The following TEAD1 variants were observed in gnomAD, a reference collection of about 807,000 sequenced individuals.
TEAD1 encodes transcriptional enhancer factor TEF-1.
TEAD1 carries 9 observed loss-of-function variants against 54.9 expected under a neutral mutation model. That is an observed-to-expected ratio of 0.16 (90% confidence interval 0.10 to 0.29). The LOEUF is 0.29. Ranked by LOEUF, TEAD1 falls within the 10% of genes least tolerant of loss-of-function variation. The pLI, the probability that TEAD1 is intolerant of heterozygous loss-of-function variation, is 1.00. For synonymous variants in TEAD1, 200 were observed against 187.8 expected, an observed-to-expected ratio of 1.07 and a Z score of -0.53; for missense variants, 387 against 535.9, an observed-to-expected ratio of 0.72 and a Z score of 2.74.
intron 2 of TEAD1, among the ~76,000 whole-genome samples, chr11:12,752,943 G>A (rs1426559519): frequency 6.6e-6 from 1 of 151,472 alleles, no homozygotes. Flanking sequence ...GGGCTCAGGT[G>A]ATCCTCCTAC....
intron 3 of TEAD1, among the ~76,000 whole-genome samples, chr11:12,832,301 C>G (rs558527559): frequency 3.3e-5 from 5 of 152,274 alleles, no homozygotes; most frequent in African/African-American, 1.2e-4. Flanking sequence ...GACGGTTGTT[C>G]AGTTAATCCA....
At chr11:12,678,370 G>T (rs569878272) in intron 2 of TEAD1, among the ~76,000 whole-genome samples, 204 of 152,272 alleles carry the variant, frequency 1.3e-3, no homozygotes, top group Non-Finnish European at 2.4e-3. Flanking sequence ...GCTGCTGCTG[G>T]GCTGCTTGGG....
chr11:12,753,468 G>A (rs1427006970), intron 2 of TEAD1, among the ~76,000 whole-genome samples: 1 of 152,288 alleles, frequency 6.6e-6, no homozygotes, highest in East Asian at 1.9e-4. Flanking sequence ...CTAGTGGCTG[G>A]ATAGAGGTAT....
intron 2 of TEAD1, among the ~76,000 whole-genome samples, chr11:12,681,249 T>A (rs561399384): frequency 2.0e-5 from 3 of 152,260 alleles, no homozygotes; most frequent in Non-Finnish European, 4.4e-5. Context: ...AGAAATTCTC[T>A]TAATTCAAAG....
chr11:12,916,070 G>T (rs906964024), intron 10 of TEAD1, among the ~76,000 whole-genome samples: 2 of 152,016 alleles, frequency 1.3e-5, no homozygotes, highest in Non-Finnish European at 2.9e-5. Flanking sequence ...CTTCTGCTTC[G>T]ACTTTTTGTT....
At position 12,710,021 on chromosome 11, in the gene TEAD1, TAAA is replaced by T. The variant is rs10716753; in HGVS notation, c.-55+34471_-55+34473del. ...AAATAATGAAGTCTTACCAAATTGT[TAAA>T]AAAAAAAAAATGGAATTGTAGGCCA... On this transcript the variant is annotated intron_variant, in intron 2 of 12. Coordinates refer to ENST00000527636, the MANE Select transcript of TEAD1 (RefSeq NM_021961.6). Among the ~76,000 whole-genome samples the T allele has an allele frequency of 2.6e-3, 393 of 149,260 alleles. 1 individual carries two copies. Among genetic ancestry groups the T allele is most frequent in the African/African-American group, 9.4e-3 (383 of 40,958 alleles).
chr11:12,722,898 G>T (rs2133868169), intron 2 of TEAD1, among the ~76,000 whole-genome samples: 1 of 151,902 alleles, frequency 6.6e-6, no homozygotes, highest in Non-Finnish European at 1.5e-5. Flanking sequence ...TCTTCAAGAT[G>T]ATTTTTAATG....
intron 5 of TEAD1, among the ~76,000 whole-genome samples, chr11:12,877,257 G>A (rs76841780): frequency 1.3e-5 from 2 of 152,144 alleles, no homozygotes; most frequent in Non-Finnish European, 2.9e-5. Context: ...GGCCACGGGA[G>A]GTGTCATTAC....
At chr11:12,746,120 G>A (rs1944741541) in intron 2 of TEAD1, among the ~76,000 whole-genome samples, 1 of 152,220 alleles carries the variant, frequency 6.6e-6, no homozygotes, top group South Asian at 2.1e-4. Context: ...AGTGATTGAA[G>A]TTAACTTTAT....
At chr11:12,866,981 C>T (rs1185252514) in intron 5 of TEAD1, among the ~76,000 whole-genome samples, 1 of 152,116 alleles carries the variant, frequency 6.6e-6, no homozygotes, top group Non-Finnish European at 1.5e-5. Context: ...GGAGAGTATA[C>T]TGTTAAGTTT....
intron 2 of TEAD1, among the ~76,000 whole-genome samples, chr11:12,735,110 A>G (rs1433135870): frequency 1.3e-5 from 2 of 152,202 alleles, no homozygotes; most frequent in Admixed American, 6.5e-5. Context: ...GGCCGTCCAG[A>G]AAAGCATTAG....
intron 5 of TEAD1, among the ~76,000 whole-genome samples, chr11:12,874,874 G>A (rs1947824258): frequency 6.6e-6 from 1 of 152,086 alleles, no homozygotes; most frequent in Admixed American, 6.5e-5. Flanking sequence ...CAAAACATTT[G>A]GCTTTTTATG....
At chr11:12,761,993 A>G (rs953010170) in intron 2 of TEAD1, among the ~76,000 whole-genome samples, 1 of 152,286 alleles carries the variant, frequency 6.6e-6, no homozygotes, top group African/African-American at 2.4e-5. Context: ...GCTTACAGTT[A>G]TATGAGAACA....
intron 9 of TEAD1, among the ~76,000 whole-genome samples, chr11:12,884,161 G>T (rs1057035438): frequency 6.6e-6 from 1 of 151,602 alleles, no homozygotes; most frequent in African/African-American, 2.4e-5. Context: ...TCGTCCCATT[G>T]TTTCTCAGCC....
intron 3 of TEAD1, among the ~76,000 whole-genome samples, chr11:12,767,844 T>A (rs960307501): frequency 1.3e-5 from 2 of 152,206 alleles, no homozygotes; most frequent in African/African-American, 4.8e-5. Context: ...TCTGTGCTTG[T>A]CTTTTTCATT....
At chr11:12,719,234 C>A (rs1261195334) in intron 2 of TEAD1, among the ~76,000 whole-genome samples, 1 of 152,032 alleles carries the variant, frequency 6.6e-6, no homozygotes, top group African/African-American at 2.4e-5. Context: ...TGGAAGGTAC[C>A]TGGGGACCTT....
At chr11:12,835,727 G>A (rs1946876020) in intron 3 of TEAD1, among the ~76,000 whole-genome samples, 6 of 152,156 alleles carry the variant, frequency 3.9e-5, no homozygotes, top group Admixed American at 3.9e-4. Flanking sequence ...TACAGGTAGA[G>A]AAATAGAAGA....
intron 2 of TEAD1, among the ~76,000 whole-genome samples, chr11:12,762,548 A>G (rs2133923494): frequency 6.6e-6 from 1 of 152,240 alleles, no homozygotes; most frequent in South Asian, 2.1e-4. Flanking sequence ...AGAGGTAGTA[A>G]ATATTTTGCT....
At chr11:12,920,306 A>G (rs1948780756) in intron 10 of TEAD1, among the ~76,000 whole-genome samples, 1 of 152,206 alleles carries the variant, frequency 6.6e-6, no homozygotes, top group Non-Finnish European at 1.5e-5. Context: ...TACTAACATC[A>G]TGATGAATAA....
Sources: allele counts gnomAD v4.1 joint callset (sites outside exome capture counted in the v4.1 genomes callset), GRCh38; gene constraint gnomAD v4.1.1; transcripts MANE v1.5; gene names NCBI Gene and HGNC (gene_info 2026-07-23, HGNC 2026-07-21).